The following SMYD3 variants were observed in gnomAD, a reference collection of about 807,000 sequenced individuals.
SMYD3 encodes SET and MYND domain containing 3.
A neutral mutation model predicts 57.7 loss-of-function variants in SMYD3; 36 were observed. The ratio of observed to expected loss-of-function variants is 0.62; its 90% CI spans 0.48 to 0.82. SMYD3 has a LOEUF of 0.82. Ranked by LOEUF, SMYD3 falls within the 40% of genes least tolerant of loss-of-function variation. SMYD3 has a pLI of 0.00. For synonymous variants in SMYD3, 211 were observed against 195.0 expected (o/e 1.08, Z -0.68); for missense variants, 515 against 538.8 (o/e 0.96, Z 0.44).
intron 5 of SMYD3, among the ~76,000 whole-genome samples, chr1:246,166,228 C>T (rs1017682921): frequency 3.3e-5 from 5 of 152,156 alleles, no homozygotes; most frequent in Non-Finnish European, 5.9e-5. Context: ...CTATACTGAA[C>T]GTGAAAAACC....
chr1:245,951,198 G>A (rs1236723282), intron 5 of SMYD3, among the ~76,000 whole-genome samples: 9 of 151,958 alleles, frequency 5.9e-5, no homozygotes, highest in South Asian at 4.1e-4. Context: ...CGGAGTCCAC[G>A]GCAGCCGACA....
chr1:246,133,972 T>C lies in SMYD3; in HGVS notation c.531+193229A>G, dbSNP rs945382862. The stretch of plus-strand genomic sequence containing the variant: ...CTTCAAAAGAAATGTATTCTTGTTA[T>C]GGTCAACTAATTAAAAGTGCATTGT... On this transcript the variant is annotated intron_variant, in intron 5 of 11. Coordinates refer to ENST00000490107, the MANE Select transcript of SMYD3 (RefSeq NM_001167740.2). 3.9e-5 allele frequency among the ~76,000 whole-genome samples: 6 copies of C among 152,150 alleles called. No individual in the cohort carries two copies. In the East Asian group the frequency reaches 1.2e-3, roughly 29 times the overall value.
rs74227109 is a variant in SMYD3 at position 245,892,921 on chromosome 1, T to G, written c.813+22609A>C. ...TTTAAAACTTCTGCTTTTCATTCTG[T>G]GAAGAGAATGAAAAGACCAGCTGCA... On this transcript the variant is annotated intron_variant, in intron 8 of 11. Transcript: ENST00000490107. Among the ~76,000 whole-genome samples, 545 of 152,118 alleles carry G rather than the reference T, an allele frequency of 3.6e-3. 6 individuals are homozygous for G. In the East Asian group the frequency reaches 0.048, roughly 13 times the overall value.
intron 8 of SMYD3, among the ~76,000 whole-genome samples, chr1:245,898,981 T>C (rs2054011471): frequency 6.6e-6 from 1 of 152,174 alleles, no homozygotes; most frequent in South Asian, 2.1e-4. Flanking sequence ...TGATTACAAA[T>C]GACAACTGTA....
intron 1 of SMYD3, among the ~76,000 whole-genome samples, chr1:246,399,105 T>C (rs917971434): frequency 6.6e-6 from 1 of 152,170 alleles, no homozygotes; most frequent in South Asian, 2.1e-4. Flanking sequence ...CACTGCAACC[T>C]CCGCCTCCCA....
At chr1:245,789,639 T>C (rs2047184378) in intron 10 of SMYD3, among the ~76,000 whole-genome samples, 1 of 152,218 alleles carries the variant, frequency 6.6e-6, no homozygotes, top group Non-Finnish European at 1.5e-5. Context: ...TGGTGCCAAA[T>C]GAAGTCCACA....
chr1:245,951,568 C>CA (rs746225362), intron 5 of SMYD3, among the ~76,000 whole-genome samples: 13,154 of 94,436 alleles, frequency 0.14, 1,259 homozygotes, highest in East Asian at 0.53. Context: ...GGCTCTCTCT[C>CA]AAAAAAAAAA....
chr1:245,848,215 C>T (rs2050764117), intron 10 of SMYD3, among the ~76,000 whole-genome samples: 2 of 151,842 alleles, frequency 1.3e-5, no homozygotes, highest in South Asian at 2.1e-4. Context: ...ATCCTTCCTT[C>T]CACCTCAGCC....
chr1:245,959,052 C>T (rs957511914), intron 5 of SMYD3, among the ~76,000 whole-genome samples: 4 of 152,120 alleles, frequency 2.6e-5, no homozygotes, highest in African/African-American at 4.8e-5. Flanking sequence ...GGATTATAGG[C>T]GTGTGCCACC....
chr1:245,824,352 A>G (rs2049350246), intron 10 of SMYD3, among the ~76,000 whole-genome samples: 1 of 152,254 alleles, frequency 6.6e-6, no homozygotes, highest in South Asian at 2.1e-4. Flanking sequence ...TGGATCGATG[A>G]TTGGATGAAA....
chr1:246,360,749 T>G (rs368309996), intron 1 of SMYD3, among the ~76,000 whole-genome samples: 1 of 152,074 alleles, frequency 6.6e-6, no homozygotes, highest in African/African-American at 2.4e-5. Flanking sequence ...AAGCCACCTA[T>G]AGAAGAATGA....
chr1:245,930,375 G>T (rs2147849510), intron 5 of SMYD3: 1 of 341,958 alleles, frequency 2.9e-6, no homozygotes, highest in African/African-American at 2.2e-5. Context: ...ATAGCAACTT[G>T]TCTCTTACTC....
At chr1:246,065,265 T>C (rs930347304) in intron 5 of SMYD3, among the ~76,000 whole-genome samples, 1 of 152,208 alleles carries the variant, frequency 6.6e-6, no homozygotes, top group Non-Finnish European at 1.5e-5. Context: ...AAGGAATGCA[T>C]ACGTGCACCC....
chr1:246,489,845 T>C (rs1453894372), intron 1 of SMYD3, among the ~76,000 whole-genome samples: 1 of 151,836 alleles, frequency 6.6e-6, no homozygotes, highest in Non-Finnish European at 1.5e-5. Context: ...GAAGTCTTTA[T>C]TTTTTTTGAG....
chr1:246,095,991 C>A (rs1198116249), intron 5 of SMYD3, among the ~76,000 whole-genome samples: 1 of 152,182 alleles, frequency 6.6e-6, no homozygotes, highest in African/African-American at 2.4e-5. Flanking sequence ...TACAAAGACA[C>A]CTTCTATCAA....
chr1:245,918,417 G>A (rs185076795), intron 7 of SMYD3, among the ~76,000 whole-genome samples: 1 of 152,156 alleles, frequency 6.6e-6, no homozygotes, highest in South Asian at 2.1e-4. Flanking sequence ...AGGAGTGTCC[G>A]TAGCACCGTC....
chr1:246,397,756 G>A (rs1558444253), intron 1 of SMYD3, among the ~76,000 whole-genome samples: 1 of 152,042 alleles, frequency 6.6e-6, no homozygotes, highest in Non-Finnish European at 1.5e-5. Flanking sequence ...CTCCCCACAA[G>A]CTCGGGGACC....
chr1:246,105,533 C>T (rs898677358), intron 5 of SMYD3, among the ~76,000 whole-genome samples: 1 of 152,104 alleles, frequency 6.6e-6, no homozygotes, highest in South Asian at 2.1e-4. Flanking sequence ...CCCTGTGCTG[C>T]CCCAACCTGC....
At chr1:246,457,739 G>A (rs2067725887) in intron 1 of SMYD3, among the ~76,000 whole-genome samples, 1 of 152,028 alleles carries the variant, frequency 6.6e-6, no homozygotes, top group South Asian at 2.1e-4. Context: ...TACAAGCTGT[G>A]CGTACAGCAG....
Sources: gnomAD v4.1 joint callset for allele counts (sites outside exome capture counted in the v4.1 genomes callset) on GRCh38, gnomAD v4.1.1 for gene constraint, MANE v1.5 for transcripts, NCBI Gene and HGNC (gene_info 2026-07-23, HGNC 2026-07-21) for gene names.